The following CSGALNACT1 variants were observed in gnomAD, a reference collection of about 807,000 sequenced individuals.
The protein encoded by CSGALNACT1 is chondroitin sulfate N-acetylgalactosaminyltransferase 1.
CSGALNACT1 carries 52 observed loss-of-function variants against 51.0 expected under a neutral mutation model. That is an observed-to-expected ratio of 1.02 (90% CI 0.82 to 1.29). The LOEUF (loss-of-function observed/expected upper bound fraction) is 1.29, where lower values mean the gene tolerates loss of function less well. CSGALNACT1 is among the 50% of genes most tolerant of loss of function. CSGALNACT1 has a pLI of 0.00. For synonymous variants in CSGALNACT1, 341 were observed against 254.4 expected, an observed-to-expected ratio of 1.34 and a Z score of -3.24; for missense variants, 935 against 679.2, an observed-to-expected ratio of 1.38 and a Z score of -4.19.
chr8:19,635,692 C>G lies in CSGALNACT1; in HGVS notation c.-543-33827G>C, dbSNP rs146384695. Among the ~76,000 whole-genome samples, 5 of 152,222 alleles carry G rather than the reference C, an allele frequency of 3.3e-5. No individual in the cohort carries two copies. The East Asian group carries it at 7.7e-4, about 24-fold the overall frequency. ...GGACACAGTTGTGAGGCATCCAAAGCGGGCATTTAGGAAGTCTTTCCACTT... is the reference window on the plus strand; with the variant it reads ...GGACACAGTTGTGAGGCATCCAAAGGGGGCATTTAGGAAGTCTTTCCACTT... On this transcript the variant is annotated intron_variant, in intron 1 of 9. Coordinates refer to the CSGALNACT1 transcript ENST00000332246.
intron 5 of CSGALNACT1, among the ~76,000 whole-genome samples, chr8:19,443,576 G>C (rs1396404395): frequency 6.6e-6 from 1 of 152,078 alleles, no homozygotes; most frequent in East Asian, 1.9e-4. Flanking sequence ...TTGTGCAGGG[G>C]GATTCCCATT....
intron 3 of CSGALNACT1, among the ~76,000 whole-genome samples, chr8:19,560,260 A>G (rs1264545475): frequency 6.6e-6 from 1 of 152,230 alleles, no homozygotes; most frequent in Non-Finnish European, 1.5e-5. Context: ...CTTTAAGCTT[A>G]AAGACTGCAA....
exon 4 of CSGALNACT1, chr8:19,505,521 C>G: frequency 6.2e-7 from 1 of 1,614,010 alleles, no homozygotes. Flanking sequence ...CAGACCCAGG[C>G]CAGCAGCATC....
At chr8:19,676,883 A>C (rs1242446378) in intron 1 of CSGALNACT1, among the ~76,000 whole-genome samples, 1 of 152,200 alleles carries the variant, frequency 6.6e-6, no homozygotes, top group Non-Finnish European at 1.5e-5. Flanking sequence ...ATCATGTCAA[A>C]CACTACTGAT....
intron 2 of CSGALNACT1, among the ~76,000 whole-genome samples, chr8:19,593,923 C>A (rs530589058): frequency 9.2e-5 from 14 of 152,286 alleles, no homozygotes; most frequent in African/African-American, 3.1e-4. Context: ...CCCTGTCTCT[C>A]CCTCTAGGCT....
chr8:19,549,366 T>C (rs1457407413), intron 3 of CSGALNACT1, among the ~76,000 whole-genome samples: 1 of 152,224 alleles, frequency 6.6e-6, no homozygotes, highest in African/African-American at 2.4e-5. Flanking sequence ...TGTTTTTTCT[T>C]GCTATTAATA....
intron 3 of CSGALNACT1, among the ~76,000 whole-genome samples, chr8:19,574,499 T>C (rs1433038458): frequency 6.6e-6 from 1 of 152,138 alleles, no homozygotes; most frequent in African/African-American, 2.4e-5. Flanking sequence ...AATAAATACA[T>C]AGCCTCATTT....
chr8:19,542,786 A>C (rs1265224870), intron 3 of CSGALNACT1, among the ~76,000 whole-genome samples: 1 of 152,192 alleles, frequency 6.6e-6, no homozygotes, highest in Admixed American at 6.5e-5. Context: ...CAAGAAGAAA[A>C]CATAATTCAT....
Position 19,634,778 on chromosome 8 carries a change from A to C in CSGALNACT1, c.-543-32913T>G, listed in dbSNP as rs561086547. On this transcript the variant is annotated intron_variant, in intron 1 of 9. Coordinates refer to the CSGALNACT1 transcript ENST00000332246. ...TAAGAGAGCCCTTACCAGGAAGCAA[A>C]GTGGCGCACGCCTTCATCTTGGACT... Among the ~76,000 whole-genome samples the C allele has an allele frequency of 7.9e-5, 12 of 152,344 alleles. No homozygotes were observed. The South Asian group carries it at 2.5e-3, about 32-fold the overall frequency.
chr8:19,682,494 T>C, exon 1 of CSGALNACT1: 1 of 357,408 alleles, frequency 2.8e-6, no homozygotes, highest in Non-Finnish European at 5.6e-6. Flanking sequence ...ATCAAAAAGA[T>C]GACACCTGTT....
chr8:19,622,567 G>C (rs941745322), intron 1 of CSGALNACT1, among the ~76,000 whole-genome samples: 4 of 152,112 alleles, frequency 2.6e-5, no homozygotes, highest in South Asian at 2.1e-4. Context: ...AGTTATTCAG[G>C]ATAGTAGCAT....
chr8:19,752,497 A>G (rs1312484574), intron 1 of CSGALNACT1, among the ~76,000 whole-genome samples: 2 of 152,250 alleles, frequency 1.3e-5, no homozygotes, highest in African/African-American at 4.8e-5. Flanking sequence ...AGAAGTAGAA[A>G]GTCACTTTTG....
At chr8:19,651,822 C>CA (rs1289856546) in intron 1 of CSGALNACT1, among the ~76,000 whole-genome samples, 2 of 152,120 alleles carry the variant, frequency 1.3e-5, no homozygotes, top group African/African-American at 4.8e-5. Flanking sequence ...GAAGTTCTTT[C>CA]AGAAATCTCC....
chr8:19,504,178 G>A (rs1354711442), intron 4 of CSGALNACT1, among the ~76,000 whole-genome samples: 7 of 152,102 alleles, frequency 4.6e-5, no homozygotes, highest in African/African-American at 1.4e-4. Flanking sequence ...CTGGGTTCAC[G>A]CCATTCTCCT....
Position 19,444,399 on chromosome 8 carries a change from C to T in CSGALNACT1, c.852-4468G>A, listed in dbSNP as rs769853552. Among the ~76,000 whole-genome samples, 6 of 152,124 alleles carry T rather than the reference C, an allele frequency of 3.9e-5. No individual in the cohort carries two copies. The South Asian group carries it at 8.3e-4, about 21-fold the overall frequency. On this transcript the variant is annotated intron_variant, in intron 5 of 9. Coordinates refer to ENST00000454498, the Ensembl canonical transcript of CSGALNACT1. Reference sequence around the variant, plus strand: ...ATTTCCAGTCCTTGATTGCTTGAATCGGAGGGTGTGGTACCCTTGGATACA... The same window carrying T: ...ATTTCCAGTCCTTGATTGCTTGAATTGGAGGGTGTGGTACCCTTGGATACA...
chr8:19,554,624 G>C (rs2089224296), intron 3 of CSGALNACT1, among the ~76,000 whole-genome samples: 1 of 98,030 alleles, frequency 1.0e-5, no homozygotes, highest in South Asian at 3.0e-4. Context: ...CATCAGAAAA[G>C]GCAGTTATAT....
At chr8:19,553,300 T>C (rs996766412) in intron 3 of CSGALNACT1, among the ~76,000 whole-genome samples, 2 of 151,912 alleles carry the variant, frequency 1.3e-5, no homozygotes, top group African/African-American at 4.8e-5. Flanking sequence ...AAACCTTCTG[T>C]TTATTAAATG....
intron 2 of CSGALNACT1, among the ~76,000 whole-genome samples, chr8:19,597,055 G>A (rs569428421): frequency 2.8e-4 from 42 of 152,136 alleles, no homozygotes; most frequent in African/African-American, 9.9e-4. Flanking sequence ...CTATAAATGT[G>A]ACCACTCTAG....
intron 6 of CSGALNACT1, among the ~76,000 whole-genome samples, chr8:19,422,491 A>G (rs1393498045): frequency 6.6e-6 from 1 of 152,048 alleles, no homozygotes; most frequent in African/African-American, 2.4e-5. Context: ...ACAAGACTCT[A>G]TTTTTCCTAT....
Sources: allele counts gnomAD v4.1 joint callset (sites outside exome capture counted in the v4.1 genomes callset), GRCh38; gene constraint gnomAD v4.1.1; transcripts MANE v1.5; gene names NCBI Gene and HGNC (gene_info 2026-07-23, HGNC 2026-07-21).